Variants in CRYL1 observed in about 807,000 individuals in gnomAD.
CRYL1 encodes crystallin lambda 1.
Under a neutral mutation model 36.6 loss-of-function variants are expected in CRYL1, and 29 were observed. That is an observed-to-expected ratio of 0.79 (90% CI 0.59 to 1.08). The LOEUF is 1.08. CRYL1 is among the 50% of genes least tolerant of loss of function. The probability of loss-of-function intolerance (pLI) is 0.00; values close to 1 mark genes in which losing one functional copy is unlikely to be tolerated. For synonymous variants in CRYL1, 152 were observed against 151.5 expected (o/e 1.00, Z -0.02); for missense variants, 411 against 407.9 (o/e 1.01, Z -0.06).
At chr13:20,426,615 C>G (rs142174229) in intron 5 of CRYL1, 3 of 818,284 alleles carry the variant, frequency 3.7e-6, no homozygotes, top group South Asian at 1.1e-4. Flanking sequence ...CACACAGAGA[C>G]ACATACAGAG....
chr13:20,487,450 T>G (rs955130762), intron 3 of CRYL1, among the ~76,000 whole-genome samples: 2 of 152,168 alleles, frequency 1.3e-5, no homozygotes, highest in Non-Finnish European at 2.9e-5. Context: ...GGAACTCTGT[T>G]CAGAGAGACT....
intron 6 of CRYL1, among the ~76,000 whole-genome samples, chr13:20,410,276 G>A (rs1195124282): frequency 2.0e-5 from 3 of 148,860 alleles, no homozygotes; most frequent in Admixed American, 6.8e-5. Context: ...GTAAACTATC[G>A]CAAGAACAAA....
Position 20,476,036 on chromosome 13 carries a change from G to A in CRYL1, c.276+13334C>T, listed in dbSNP as rs113141270. The stretch of plus-strand genomic sequence containing the variant: ...CAGTTCCGGGGCAGGTCCTGCGCAC[G>A]CGGCAGGAAGGAAGGAAACCACAGT... On this transcript the variant is annotated intron_variant, in intron 3 of 7. Coordinates refer to ENST00000298248, the MANE Select transcript of CRYL1 (RefSeq NM_015974.3). Among the ~76,000 whole-genome samples the A allele has an allele frequency of 5.6e-3, 860 of 152,276 alleles. 9 individuals are homozygous for A. Among genetic ancestry groups the A allele is most frequent in the African/African-American group, 0.018 (762 of 41,544 alleles).
At chr13:20,513,034 C>A (rs559980388) in intron 1 of CRYL1, among the ~76,000 whole-genome samples, 102 of 152,266 alleles carry the variant, frequency 6.7e-4, no homozygotes, top group African/African-American at 2.4e-3. Context: ...ATGCATGTAA[C>A]AAAATATCAC....
At chr13:20,473,275 G>GC (rs2033098203) in intron 3 of CRYL1, among the ~76,000 whole-genome samples, 1 of 152,268 alleles carries the variant, frequency 6.6e-6, no homozygotes, top group African/African-American at 2.4e-5. Context: ...CCACTGTGCG[G>GC]CACCCACATG....
chr13:20,437,481 G>A (rs899287213), intron 4 of CRYL1, among the ~76,000 whole-genome samples: 1 of 151,968 alleles, frequency 6.6e-6, no homozygotes, highest in East Asian at 1.9e-4. Context: ...CTAATTTTTT[G>A]TATTTTTAGT....
chr13:20,460,692 A>C (rs1044218921), intron 3 of CRYL1, among the ~76,000 whole-genome samples: 6 of 151,492 alleles, frequency 4.0e-5, no homozygotes, highest in Non-Finnish European at 8.8e-5. Flanking sequence ...CGCCCGGCTA[A>C]TTTTTTGTAT....
At chr13:20,508,831 G>A (rs2033851387) in intron 2 of CRYL1, among the ~76,000 whole-genome samples, 1 of 117,686 alleles carries the variant, frequency 8.5e-6, no homozygotes. Context: ...TCCGGCCTAG[G>A]TGGCAGAGCG....
chr13:20,475,822 T>G (rs1310426228), intron 3 of CRYL1, among the ~76,000 whole-genome samples: 1 of 152,182 alleles, frequency 6.6e-6, no homozygotes, highest in Non-Finnish European at 1.5e-5. Flanking sequence ...AGATAGCAAG[T>G]GCCTTCAAAC....
chr13:20,407,176 A>G (rs1295708929), intron 6 of CRYL1, among the ~76,000 whole-genome samples: 1 of 151,478 alleles, frequency 6.6e-6, no homozygotes, highest in Non-Finnish European at 1.5e-5. Flanking sequence ...TATTCAGGAA[A>G]CCCTTTAAAA....
At chr13:20,471,495 C>T (rs1175245678) in intron 3 of CRYL1, among the ~76,000 whole-genome samples, 1 of 151,924 alleles carries the variant, frequency 6.6e-6, no homozygotes, top group Non-Finnish European at 1.5e-5. Context: ...GTCCCAGCTA[C>T]TCGGGAGGCT....
chr13:20,424,634 C>CA (rs2031893674), intron 5 of CRYL1, among the ~76,000 whole-genome samples: 1 of 152,168 alleles, frequency 6.6e-6, no homozygotes, highest in Admixed American at 6.5e-5. Context: ...CAGATGCTGT[C>CA]AGAGGAGACA....
intron 2 of CRYL1, among the ~76,000 whole-genome samples, chr13:20,494,592 G>A (rs1337291697): frequency 1.3e-5 from 2 of 152,196 alleles, no homozygotes; most frequent in Non-Finnish European, 2.9e-5. Context: ...CAAAGCACCT[G>A]CTCCAAGCCT....
intron 1 of CRYL1, among the ~76,000 whole-genome samples, chr13:20,524,723 C>T (rs977298947): frequency 2.0e-5 from 3 of 152,044 alleles, no homozygotes; most frequent in African/African-American, 7.2e-5. Context: ...CACGGGCACT[C>T]ATGGGCCAGA....
In CRYL1 at chr13:20,413,323, G is replaced by A. The variant is rs2031571191; in HGVS notation, c.698C>T (p.Ala233Val). Residue 233 changes from alanine to valine, a missense_variant, in exon 6 of 8, where the codon GCA (alanine) becomes GTA (valine). By Grantham distance (64) the Ala-to-Val change is moderately conservative. Transcript: ENST00000298248. ...VMSEGLGMRY[A>V]FIGPLETMHL... is the part of the protein sequence containing the mutation. Reference sequence around the variant, plus strand: ...CATGGTTTCCAGGGGTCCAATGAATGCATACCGCATGCCCAACCCTTCTGA... The same window carrying A: ...CATGGTTTCCAGGGGTCCAATGAATACATACCGCATGCCCAACCCTTCTGA... 6.2e-7 allele frequency: 1 copy of A among 1,613,604 alleles called. No homozygotes were observed. The highest frequency in any genetic ancestry group is 1.3e-5 in the African/African-American group (1 of 74,916).
rs369269097 is a variant in CRYL1, at chr13:20,491,960, G to T, written c.150-2464C>A. Among the ~76,000 whole-genome samples the T allele has an allele frequency of 2.8e-4, 42 of 152,256 alleles. 1 individual carries two copies. In the East Asian group the frequency reaches 6.0e-3, roughly 22 times the overall value. ...CTAATAGCTAAATCAAAAAAGAACT[G>T]GTCCAAGGTAAGTGCCAGTAAATAG... is the stretch of plus-strand genomic sequence containing the variant. On this transcript the variant is annotated intron_variant, in intron 2 of 7. Transcript: ENST00000298248.
chr13:20,496,101 T>G (rs2033600702), intron 2 of CRYL1, among the ~76,000 whole-genome samples: 1 of 152,104 alleles, frequency 6.6e-6, no homozygotes, highest in Non-Finnish European at 1.5e-5. Flanking sequence ...TCGCCCGGCC[T>G]AGGATGAACT....
At chr13:20,476,216 A>G (rs557740458) in intron 3 of CRYL1, among the ~76,000 whole-genome samples, 17 of 152,192 alleles carry the variant, frequency 1.1e-4, no homozygotes, top group Admixed American at 9.2e-4. Flanking sequence ...ATTAGCTGGG[A>G]GTGGTGGCAT....
rs1169831499 is a variant in CRYL1 at position 20,415,976 on chromosome 13, T to A, written c.634-2589A>T. The stretch of plus-strand genomic sequence containing the variant: ...TGCGGCCATGAGCCTTTGGCTAGTC[T>A]GGGGCTCCTGTGAGCAGGGCAGCCA... On this transcript the variant is annotated intron_variant, in intron 5 of 7. Transcript: ENST00000298248. This position sits in a 1 kb window ranked among gnomAD's most constrained non-coding sequence, Gnocchi z 4.1. Among the ~76,000 whole-genome samples the A allele has an allele frequency of 6.6e-6, 1 of 152,202 alleles. No individual in the cohort carries two copies. The highest frequency in any genetic ancestry group is 1.5e-5 in the Non-Finnish European group (1 of 68,022).
Sources: gnomAD v4.1 joint callset for allele counts (sites outside exome capture counted in the v4.1 genomes callset) on GRCh38, gnomAD v4.1.1 for gene constraint, Gnocchi (gnomAD v3.1) non-coding constraint, MANE v1.5 for transcripts, NCBI Gene and HGNC (gene_info 2026-07-23, HGNC 2026-07-21) for gene names.